ATP2C2: variants seen among roughly 807,000 people sequenced by gnomAD.
The protein encoded by ATP2C2 is calcium-transporting ATPase type 2C member 2.
In ATP2C2, 171 loss-of-function variants were observed where a neutral mutation model predicts 110.8. The observed-to-expected ratio is 1.54, with a 90% CI of 1.36 to 1.75. The LOEUF (loss-of-function observed/expected upper bound fraction) is 1.75, where lower values mean the gene tolerates loss of function less well. Among genes scored for constraint, ATP2C2 ranks in the 40% most tolerant of loss-of-function variants. ATP2C2 has a pLI of 0.00. For synonymous variants in ATP2C2, 804 were observed against 508.4 expected, an observed-to-expected ratio of 1.58 and a Z score of -7.82; for missense variants, 1,963 against 1,235.0, an observed-to-expected ratio of 1.59 and a Z score of -8.84.
At chr16:84,421,423 T>G (rs1449990814) in intron 7 of ATP2C2, among the ~76,000 whole-genome samples, 1 of 152,182 alleles carries the variant, frequency 6.6e-6, no homozygotes, top group African/African-American at 2.4e-5. Flanking sequence ...TTAAATAGTT[T>G]TAAATTATAG....
chr16:84,422,819 T>G, intron 9 of ATP2C2, 122 bp downstream of exon 9: 1 of 1,086,008 alleles, frequency 9.2e-7, no homozygotes, highest in Non-Finnish European at 1.3e-6. Flanking sequence ...ATGAGTATAC[T>G]TTTTAAACAT....
rs781396703 is a variant in ATP2C2, at chr16:84,408,422, C to T, written c.345C>T (p.Ile115=). Residue 115 remains isoleucine (I), a synonymous_variant, in exon 4 of 27, where the codon ATC becomes ATT. Transcript: ENST00000262429. ...KYLDQFKNPL[I]LLLLGSALVS... ...CTCTTCAGTTTAAGAACCCCCTGAT[C>T]CTGCTGCTGCTGGGCTCTGCCCTGG... is the stretch of plus-strand genomic sequence containing the variant. 2.5e-6 allele frequency: 4 copies of T among 1,613,872 alleles called. No homozygotes were observed. The highest frequency in any genetic ancestry group is 1.1e-5 in the South Asian group (1 of 91,060).
chr16:84,438,323 C>G (rs775003709), intron 11 of ATP2C2, among the ~76,000 whole-genome samples: 10 of 152,304 alleles, frequency 6.6e-5, no homozygotes, highest in South Asian at 2.1e-4. Flanking sequence ...AAACTGGACA[C>G]CAGGCACCAG....
At position 84,461,736 on chromosome 16, in the gene ATP2C2, C is replaced by G. The variant is rs1911363577; in HGVS notation, c.2504C>G (p.Thr835Ser). Residue 835 changes from threonine to serine, a missense_variant, in exon 25 of 27, where the codon ACT becomes AGT. Physicochemically the swap from Thr to Ser is moderately conservative, Grantham distance 58 (BLOSUM62 1). Coordinates refer to ENST00000262429, the MANE Select transcript of ATP2C2 (RefSeq NM_014861.4). ...WKEMPEDRAS[T>S]PRTTTMTFTC... ...CAGATGCCTGAAGACAGAGCAAGCA[C>G]TCCCCGCACCACGACGATGACGTTC... 2 of 1,614,080 alleles carry G rather than the reference C, an allele frequency of 1.2e-6. No individual in the cohort carries two copies. Among genetic ancestry groups the G allele is most frequent in the African/African-American group, 1.3e-5 (1 of 74,930 alleles).
intron 1 of ATP2C2, among the ~76,000 whole-genome samples, chr16:84,379,969 TG>T (rs1262953055): frequency 6.6e-6 from 1 of 152,180 alleles, no homozygotes; most frequent in Non-Finnish European, 1.5e-5. Flanking sequence ...GAAGACTTCC[TG>T]GAGGAGGTGG....
At chr16:84,413,177 A>G (rs936844474) in intron 6 of ATP2C2, among the ~76,000 whole-genome samples, 4 of 151,808 alleles carry the variant, frequency 2.6e-5, no homozygotes, top group Non-Finnish European at 5.9e-5. Context: ...TCCAAGACCC[A>G]TTTCCAACAT....
chr16:84,381,050 G>A (rs1910552041), intron 1 of ATP2C2, among the ~76,000 whole-genome samples: 1 of 152,178 alleles, frequency 6.6e-6, no homozygotes, highest in Non-Finnish European at 1.5e-5. Context: ...CTTTGTGTGA[G>A]CAACATGGCT....
intron 15 of ATP2C2, among the ~76,000 whole-genome samples, chr16:84,443,724 G>T (rs1307056571): frequency 6.6e-6 from 1 of 152,134 alleles, no homozygotes; most frequent in African/African-American, 2.4e-5. Context: ...ACTGCCTTCT[G>T]TTATCAGCTT....
At chr16:84,397,670 A>AAAAAAAAAAAAAAAAAAC (rs1555553736) in intron 1 of ATP2C2, among the ~76,000 whole-genome samples, 48 of 145,882 alleles carry the variant, frequency 3.3e-4, no homozygotes, top group South Asian at 6.7e-4. Context: ...AAAAAAAAAA[A>AAAAAAAAAAAAAAAAAAC]AAACTTGCTT....
At chr16:84,383,831 A>C (rs1597736072) in intron 1 of ATP2C2, among the ~76,000 whole-genome samples, 2 of 116,334 alleles carry the variant, frequency 1.7e-5, no homozygotes, top group Non-Finnish European at 1.7e-5. Context: ...TACTCTTTTC[A>C]CCCGGCTGAG....
At chr16:84,403,420 C>T (rs1905474310) in intron 2 of ATP2C2, among the ~76,000 whole-genome samples, 1 of 152,176 alleles carries the variant, frequency 6.6e-6, no homozygotes, top group Non-Finnish European at 1.5e-5. Flanking sequence ...ATCGTCCTGC[C>T]TCAGCCTCCT....
At chr16:84,459,523 A>G in intron 23 of ATP2C2, 137 bp downstream of exon 23, 1 of 1,556,068 alleles carries the variant, frequency 6.4e-7, no homozygotes. Flanking sequence ...CAGAAAACTG[A>G]AGTGTGTTGC....
intron 23 of ATP2C2, chr16:84,459,611 G>A (rs1279391698): frequency 1.1e-5 from 17 of 1,528,424 alleles, no homozygotes; most frequent in Non-Finnish European, 1.4e-5. Flanking sequence ...GGAACTTTCT[G>A]CTCCCTCTGC....
At chr16:84,406,983 A>G (rs959263385) in intron 3 of ATP2C2, among the ~76,000 whole-genome samples, 1 of 152,168 alleles carries the variant, frequency 6.6e-6, no homozygotes, top group Non-Finnish European at 1.5e-5. Context: ...TCTTGAGAGC[A>G]GAGGACCTGC....
chr16:84,409,720 G>C (rs1906102522), intron 4 of ATP2C2, among the ~76,000 whole-genome samples: 1 of 152,066 alleles, frequency 6.6e-6, no homozygotes, highest in African/African-American at 2.4e-5. Context: ...CCAGGCTGAT[G>C]TCGACCTCTT....
chr16:84,384,651 C>T (rs12933274), intron 1 of ATP2C2, among the ~76,000 whole-genome samples: 38,695 of 152,118 alleles, frequency 0.25, 5,441 homozygotes, highest in South Asian at 0.36. Context: ...TCATTAAGTT[C>T]GGCATGCATG....
In ATP2C2 at chr16:84,463,903, G is replaced by A. The variant is rs904984697; in HGVS notation, c.*171G>A. 1 of 625,206 alleles carries A rather than the reference G, an allele frequency of 1.6e-6. No individual in the cohort carries two copies. The highest frequency in any genetic ancestry group is 2.8e-6 in the Non-Finnish European group (1 of 355,078). 38.7% of individuals were successfully genotyped at this position (625,206 alleles called of 1,614,324 possible). On this transcript the variant is annotated 3_prime_UTR_variant, in exon 27 of 27. Coordinates refer to ENST00000262429, the MANE Select transcript of ATP2C2 (RefSeq NM_014861.4). ...AACCTCGTGGGCTCCAGGGACCCAG[G>A]CCCACATCCATCCAGCGTTCCCGCT...
intron 2 of ATP2C2, among the ~76,000 whole-genome samples, chr16:84,402,556 G>C (rs1905400540): frequency 6.6e-6 from 1 of 152,122 alleles, no homozygotes; most frequent in African/African-American, 2.4e-5. Flanking sequence ...TAATTGAAAT[G>C]ATCATATGGT....
chr16:84,398,360 C>T lies in ATP2C2; in HGVS notation c.100-139C>T, dbSNP rs7190248. On this transcript the variant is annotated intron_variant, in intron 1 of 26. Transcript: ENST00000262429. Reference sequence around the variant, plus strand: ...AGTGGAGGTTGTGGTGAGCTGAGATCATGACACTGCACTCCAGCCTGGGTG... The same window carrying T: ...AGTGGAGGTTGTGGTGAGCTGAGATTATGACACTGCACTCCAGCCTGGGTG... 908 of 413,028 alleles carry T rather than the reference C, an allele frequency of 2.2e-3. 8 individuals are homozygous for T. Among genetic ancestry groups the T allele is most frequent in the African/African-American group, 0.018 (834 of 47,490 alleles). 25.6% of individuals were successfully genotyped at this position (413,028 alleles called of 1,614,324 possible).
Sources: allele counts gnomAD v4.1 joint callset (sites outside exome capture counted in the v4.1 genomes callset), GRCh38; gene constraint gnomAD v4.1.1; transcripts MANE v1.5; gene names NCBI Gene and HGNC (gene_info 2026-07-23, HGNC 2026-07-21).